SMTNL2: variants seen among roughly 807,000 people sequenced by gnomAD.
SMTNL2 encodes the protein smoothelin like 2, also known as smoothelin-like protein 2.
Under a neutral mutation model 44.1 loss-of-function variants are expected in SMTNL2, and 43 were observed. The ratio of observed to expected loss-of-function variants is 0.98; its 90% CI spans 0.76 to 1.26. SMTNL2 has a LOEUF of 1.26. Ranked by LOEUF, SMTNL2 falls within the 50% of genes most tolerant of loss-of-function variation. The probability of loss-of-function intolerance (pLI) is 0.00; values close to 1 mark genes in which losing one functional copy is unlikely to be tolerated. For synonymous variants in SMTNL2, 317 were observed against 287.6 expected (o/e 1.10, Z -1.03); for missense variants, 646 against 670.2 (o/e 0.96, Z 0.40).
intron 6 of SMTNL2, 84 bp downstream of exon 6, chr17:4,597,061 T>G: frequency 6.7e-7 from 1 of 1,498,114 alleles, no homozygotes; most frequent in Non-Finnish European, 8.9e-7. Context: ...TTCTCCCGCC[T>G]GGGCAGGAGC....
Position 4,584,887 on chromosome 17 carries a change from C to A in SMTNL2, c.282C>A (p.Pro94=), listed in dbSNP as rs750597372. 1 of 1,297,682 alleles carries A rather than the reference C, an allele frequency of 7.7e-7. No individual in the cohort carries two copies. The highest frequency in any genetic ancestry group is 2.2e-5 in the South Asian group (1 of 44,852). The allele number at this position is 1,297,682 out of a possible 1,614,324, so 80.4% of individuals were successfully genotyped here. A position where few individuals can be genotyped will look rare whatever the true frequency, so the allele number is the denominator to read the frequency against. ...LGLASGMSPV[P]GTPGTPSPPP... Reference sequence around the variant, plus strand: ...TGGCCAGCGGGATGTCCCCGGTGCCCGGCACTCCCGGCACGCCCAGCCCCC... The same window carrying A: ...TGGCCAGCGGGATGTCCCCGGTGCCAGGCACTCCCGGCACGCCCAGCCCCC... The change falls in exon 1 of 8, where the codon CCC becomes CCA. Residue 94 remains proline, a synonymous_variant. Coordinates refer to ENST00000389313, the MANE Select transcript of SMTNL2 (RefSeq NM_001114974.2).
In SMTNL2 at chr17:4,607,278, G is replaced by C. The variant is rs758836099; in HGVS notation, c.1260-83G>C. On this transcript the variant is annotated intron_variant, in intron 7 of 7. Transcript: ENST00000389313. The surrounding 1 kb of genome is among the most constrained non-coding windows in gnomAD (Gnocchi z 4.7). ...TGGCTGCCGGCTGAGCTCTGTTCCC[G>C]GGACCGAGACACCGGCCCTGTCGCG... 1 of 1,588,504 alleles carries C rather than the reference G, an allele frequency of 6.3e-7. No homozygotes were observed. Among genetic ancestry groups the C allele is most frequent in the African/African-American group, 1.3e-5 (1 of 74,484 alleles).
chr17:4,598,529 A>C lies in SMTNL2; in HGVS notation c.1259+1206A>C, dbSNP rs1330747692. ...GTCTGAGTCCTCAGTGCCCACATTT[A>C]AGAGTGGTCCTTGGCCGGGCACGGT... is the stretch of plus-strand genomic sequence containing the variant. On this transcript the variant is annotated intron_variant, in intron 7 of 7. Transcript: ENST00000389313. The surrounding 1 kb of genome is among the most constrained non-coding windows in gnomAD (Gnocchi z 4.8). Among the ~76,000 whole-genome samples the C allele has an allele frequency of 6.6e-6, 1 of 152,082 alleles. No homozygotes were observed. The highest frequency in any genetic ancestry group is 2.4e-5 in the African/African-American group (1 of 41,398).
intron 1 of SMTNL2, among the ~76,000 whole-genome samples, chr17:4,585,518 C>G (rs990741891): frequency 6.6e-6 from 1 of 152,210 alleles, no homozygotes; most frequent in Non-Finnish European, 1.5e-5. Context: ...CGATCAGCAG[C>G]GGCTTTTGGG....
chr17:4,591,823 G>T (rs540729839), intron 1 of SMTNL2, among the ~76,000 whole-genome samples: 1 of 152,324 alleles, frequency 6.6e-6, no homozygotes, highest in South Asian at 2.1e-4. Context: ...TGGATGAGTC[G>T]CACGGAGCTG....
At position 4,598,740 on chromosome 17, in the gene SMTNL2, T is replaced by G. The variant is rs1418469020; in HGVS notation, c.1259+1417T>G. ...TCAGGAGGCTGAGGCAGGAGAATTG[T>G]TAGAACCCAAGAGAAAGAGGTTGCA... On this transcript the variant is annotated intron_variant, in intron 7 of 7. Transcript: ENST00000389313. The surrounding 1 kb of genome is among the most constrained non-coding windows in gnomAD (Gnocchi z 4.8). 1.3e-5 allele frequency among the ~76,000 whole-genome samples: 2 copies of G among 151,900 alleles called. No individual in the cohort carries two copies. The highest frequency in any genetic ancestry group is 2.9e-5 in the Non-Finnish European group (2 of 67,956).
Position 4,592,957 on chromosome 17 carries a change from C to T in SMTNL2, c.516C>T (p.Ala172=). 3 of 1,613,822 alleles carry T rather than the reference C, an allele frequency of 1.9e-6. No homozygotes were observed. The highest frequency in any genetic ancestry group is 2.5e-6 in the Non-Finnish European group (3 of 1,179,826). The change falls in exon 3 of 8, where the codon GCC becomes GCT. Residue 172 remains alanine, a synonymous_variant. Transcript: ENST00000389313. The surrounding 1 kb of genome is among the most constrained non-coding windows in gnomAD (Gnocchi z 4.5). ...CAGGCGATGGACCCCCTGAGATTGC[C>T]CAAAACTTCTCAGCACCAGATCCCC... ...AGPGDGPPEI[A]QNFSAPDPPR... is the part of the protein sequence containing the mutation.
At chr17:4,585,455 CAGAT>C (rs1909308675) in intron 1 of SMTNL2, among the ~76,000 whole-genome samples, 1 of 152,232 alleles carries the variant, frequency 6.6e-6, no homozygotes, top group African/African-American at 2.4e-5. Flanking sequence ...TTGATTAACT[CAGAT>C]TGAGAACTCA....
chr17:4,596,325 G>T (rs888826650), intron 5 of SMTNL2, among the ~76,000 whole-genome samples: 18 of 152,346 alleles, frequency 1.2e-4, no homozygotes, highest in African/African-American at 4.1e-4. Context: ...TAGTGAGGGG[G>T]ACCGACCCCG....
At chr17:4,594,922 G>A (rs1597413066) in intron 4 of SMTNL2, 1 of 614,600 alleles carries the variant, frequency 1.6e-6, no homozygotes, top group African/African-American at 1.9e-5. Flanking sequence ...TCCAGATCGG[G>A]CCCAGCGTCT....
rs771915526 is a variant in SMTNL2, at chr17:4,593,841, G to A, written c.750G>A (p.Thr250=). 17 of 1,613,818 alleles carry A rather than the reference G, an allele frequency of 1.1e-5. No homozygotes were observed. Among genetic ancestry groups the A allele is most frequent in the East Asian group, 4.5e-5 (2 of 44,870 alleles). ...PSPSEKNSSF[T]WSVPSSGYGA... ...CCACAGAGAAGAATTCCTCTTTCAC[G>A]TGGTCTGTGCCAAGCTCTGGCTATG... The change falls in exon 4 of 8, where the codon ACG becomes ACA. Residue 250 remains threonine (T), a synonymous_variant. Coordinates refer to ENST00000389313, the MANE Select transcript of SMTNL2 (RefSeq NM_001114974.2).
At chr17:4,603,997 A>G (rs1436224185) in intron 7 of SMTNL2, among the ~76,000 whole-genome samples, 2 of 152,130 alleles carry the variant, frequency 1.3e-5, no homozygotes, top group Admixed American at 6.5e-5. Flanking sequence ...GGCATACGCC[A>G]CCACACCCAG....
chr17:4,585,872 T>G (rs1369694120), intron 1 of SMTNL2, among the ~76,000 whole-genome samples: 1 of 152,208 alleles, frequency 6.6e-6, no homozygotes, highest in Non-Finnish European at 1.5e-5. Flanking sequence ...TGGGCTGGGC[T>G]GGACCCTAGG....
intron 7 of SMTNL2, among the ~76,000 whole-genome samples, chr17:4,602,311 CTTTTTTT>C (rs35927212): frequency 4.6e-5 from 2 of 43,762 alleles, no homozygotes; most frequent in Admixed American, 3.7e-4. Context: ...AAGGCAGGTG[CTTTTTTT>C]TTTTTTTTTT....
intron 7 of SMTNL2, among the ~76,000 whole-genome samples, chr17:4,597,813 T>C (rs912367776): frequency 6.6e-6 from 1 of 152,216 alleles, no homozygotes; most frequent in Non-Finnish European, 1.5e-5. Flanking sequence ...CTGGCATTTA[T>C]TGTGAAATTG....
rs1161500527 is a variant in SMTNL2 at position 4,585,013 on chromosome 17, G to T, written c.399+9G>T. On this transcript the variant is annotated intron_variant, in intron 1 of 7. Coordinates refer to ENST00000389313, the MANE Select transcript of SMTNL2 (RefSeq NM_001114974.2). ...TGTCCGGCCGCGGCCAGGTGAGCCC[G>T]GGGGAGCGCGTGCGCTGGCGCCAGG... 1 of 1,319,626 alleles carries T rather than the reference G, an allele frequency of 7.6e-7. No individual in the cohort carries two copies. Among genetic ancestry groups the T allele is most frequent in the South Asian group, 2.0e-5 (1 of 50,354 alleles). 81.7% of individuals were successfully genotyped at this position (1,319,626 alleles called of 1,614,324 possible).
rs12603989 is a variant in SMTNL2 at position 4,598,644 on chromosome 17, C to T, written c.1259+1321C>T. On this transcript the variant is annotated intron_variant, in intron 7 of 7. Coordinates refer to ENST00000389313, the MANE Select transcript of SMTNL2 (RefSeq NM_001114974.2). The surrounding 1 kb of genome is among the most constrained non-coding windows in gnomAD (Gnocchi z 4.8). ...TTCGAGACCAGCTTGGGCAACACGG[C>T]GAAACCCTGTCTCTACTAAAATACA... Among the ~76,000 whole-genome samples the T allele has an allele frequency of 0.2, 29,934 of 151,814 alleles. 3,603 individuals carry two copies. The highest frequency in any genetic ancestry group is 0.59 in the East Asian group (3,047 of 5,126).
intron 1 of SMTNL2, among the ~76,000 whole-genome samples, chr17:4,587,960 G>A (rs1909409486): frequency 6.6e-6 from 1 of 152,210 alleles, no homozygotes; most frequent in Admixed American, 6.5e-5. Context: ...GGAGCCACTG[G>A]GTCCCTATGC....
At position 4,592,086 on chromosome 17, in the gene SMTNL2, C is replaced by T. The variant is rs868780226; in HGVS notation, c.400-275C>T. On this transcript the variant is annotated intron_variant, in intron 1 of 7. Coordinates refer to ENST00000389313, the MANE Select transcript of SMTNL2 (RefSeq NM_001114974.2). This position sits in a 1 kb window ranked among gnomAD's most constrained non-coding sequence, Gnocchi z 4.5. The stretch of plus-strand genomic sequence containing the variant: ...TGAGGGGGCCTAATGTCATTGGAAC[C>T]CTCCATCTTGACTTCTGTCCTCAGC... Among the ~76,000 whole-genome samples the T allele has an allele frequency of 2.6e-5, 4 of 152,204 alleles. No homozygotes were observed. Among genetic ancestry groups the T allele is most frequent in the Non-Finnish European group, 5.9e-5 (4 of 68,040 alleles).
Sources: allele counts gnomAD v4.1 joint callset (sites outside exome capture counted in the v4.1 genomes callset), GRCh38; gene constraint gnomAD v4.1.1; non-coding constraint Gnocchi (gnomAD v3.1); transcripts MANE v1.5; gene names NCBI Gene and HGNC (gene_info 2026-07-23, HGNC 2026-07-21).